The following DDI2 variants were observed in gnomAD, a reference collection of about 807,000 sequenced individuals.
DDI2 encodes the protein DDI proteasomal shuttling factor 2, also known as protein DDI1 homolog 2.
Under a neutral mutation model 48.1 loss-of-function variants are expected in DDI2, and 5 were observed. The ratio of observed to expected loss-of-function variants is 0.10; its 90% CI spans 0.05 to 0.22. The LOEUF (loss-of-function observed/expected upper bound fraction) is 0.22, where lower values mean the gene tolerates loss of function less well. Among genes scored for constraint, DDI2 ranks in the 10% least tolerant of loss-of-function variants. The pLI is 1.00. For missense variants in DDI2, 285 were observed against 506.2 expected (o/e 0.56, Z 4.19); for synonymous variants, 205 against 183.6 (o/e 1.12, Z -0.94).
intron 1 of DDI2, among the ~76,000 whole-genome samples, chr1:15,623,409 T>TTTA (rs1224635891): frequency 1.3e-5 from 2 of 148,384 alleles, no homozygotes; most frequent in African/African-American, 5.0e-5. Flanking sequence ...TTTTTTTTTT[T>TTTA]AAGAGACAAG....
rs1471920020 is a variant in DDI2, at chr1:15,617,709, C to T, written c.39C>T (p.Ser13=). The change falls in exon 1 of 10, where the codon TCC becomes TCT. Residue 13 remains serine (S), a synonymous_variant. Transcript: ENST00000480945. ...TGTACTGTGTGCGGAGGGACCTCTC[C>T]GAGGTGACCTTTTCCCTCCAGGTCG... ...LTVYCVRRDL[S]EVTFSLQVDA... is the part of the protein sequence containing the mutation. 1 of 1,610,108 alleles carries T rather than the reference C, an allele frequency of 6.2e-7. No homozygotes were observed. The highest frequency in any genetic ancestry group is 8.5e-7 in the Non-Finnish European group (1 of 1,178,546).
Position 15,630,664 on chromosome 1 carries a change from T to C in DDI2, c.505+103T>C, listed in dbSNP as rs1206138580. 2.3e-5 allele frequency: 19 copies of C among 817,202 alleles called. No homozygotes were observed. In the South Asian group the frequency reaches 2.9e-4, roughly 13 times the overall value. The allele number at this position is 817,202 out of a possible 1,614,324, so 50.6% of individuals were successfully genotyped here. ...AAGCGACACTGTGTCACATGATTTA[T>C]TGAACATACCAGTTTTTTCTCTGTG... On this transcript the variant is annotated intron_variant, in intron 3 of 9. Transcript: ENST00000480945.
chr1:15,661,729 G>A lies in DDI2; in HGVS notation c.*1939G>A. 1 of 1,600,308 alleles carries A rather than the reference G, an allele frequency of 6.2e-7. No individual in the cohort carries two copies. The highest frequency in any genetic ancestry group is 1.1e-5 in the South Asian group (1 of 88,890). ...CATCGTAGTTCCTACATGACTGTGG[G>A]AAAGTGGGCTAGACCGTTCTCCATT... On this transcript the variant is annotated 3_prime_UTR_variant, in exon 10 of 10. Transcript: ENST00000480945.
In DDI2 at chr1:15,656,787, C is replaced by T. The variant is rs574259282; in HGVS notation, c.*46+108C>T. ...TAGCATTTGTCATTCACCATTTCAC[C>T]TTGTTCAATCTGGTTACAACTAGCC... is the stretch of plus-strand genomic sequence containing the variant. On this transcript the variant is annotated intron_variant, in intron 9 of 9. Transcript: ENST00000480945. 2.0e-6 allele frequency: 3 copies of T among 1,500,872 alleles called. No homozygotes were observed. The African/African-American group carries it at 4.1e-5, about 21-fold the overall frequency. The allele number at this position is 1,500,872 out of a possible 1,614,324, so 93.0% of individuals were successfully genotyped here.
chr1:15,668,027 A>G lies in DDI2; in HGVS notation c.*8237A>G, dbSNP rs1640480792. ...TCGTGGGGGCATGAAATACAAAATT[A>G]TGATAATTTATACAGAACTAGGTTT... On this transcript the variant is annotated 3_prime_UTR_variant, in exon 10 of 10. Coordinates refer to ENST00000480945, the MANE Select transcript of DDI2 (RefSeq NM_032341.5). The G allele has an allele frequency of 6.6e-6, 1 of 152,052 alleles. No homozygotes were observed. The highest frequency in any genetic ancestry group is 2.4e-5 in the African/African-American group (1 of 41,392). The allele number at this position is 152,052 out of a possible 1,614,324, so 9.4% of individuals were successfully genotyped here.
rs1047931226 is a variant in DDI2 at position 15,666,854 on chromosome 1, G to C, written c.*7064G>C. 14 of 152,184 alleles carry C rather than the reference G, an allele frequency of 9.2e-5. No individual in the cohort carries two copies. The highest frequency in any genetic ancestry group is 7.2e-4 in the Admixed American group (11 of 15,274). 9.4% of individuals were successfully genotyped at this position (152,184 alleles called of 1,614,324 possible). A position where few individuals can be genotyped will look rare whatever the true frequency, so the allele number is the denominator to read the frequency against. On this transcript the variant is annotated 3_prime_UTR_variant, in exon 10 of 10. Transcript: ENST00000480945. ...AGTTACCTGGTTCCACTTCAGAGCA[G>C]ACTGGGAAAATCAGGCTTACAATGG...
intron 1 of DDI2, among the ~76,000 whole-genome samples, chr1:15,622,856 T>C (rs1292368336): frequency 6.6e-6 from 1 of 152,206 alleles, no homozygotes; most frequent in Non-Finnish European, 1.5e-5. Flanking sequence ...AAGCTTTAGT[T>C]GATCTCATTT....
At position 15,659,902 on chromosome 1, in the gene DDI2, C is replaced by CA; in HGVS notation, c.*113dup. The CA allele has an allele frequency of 6.2e-7, 1 of 1,601,266 alleles. No homozygotes were observed. The highest frequency in any genetic ancestry group is 8.5e-7 in the Non-Finnish European group (1 of 1,175,906). The stretch of plus-strand genomic sequence containing the variant: ...ATTACCAACTTCAGATGGGTTTAAC[C>CA]ATCCCGCCCGTTCTTCAGGACAGAG... On this transcript the variant is annotated 3_prime_UTR_variant, in exon 10 of 10. Transcript: ENST00000480945.
intron 2 of DDI2, 167 bp downstream of exon 2, chr1:15,626,965 A>C: frequency 1.1e-6 from 1 of 890,864 alleles, no homozygotes; most frequent in Non-Finnish European, 1.7e-6. Flanking sequence ...ATGTCTCTAA[A>C]TTGGTTTCCT....
At position 15,626,620 on chromosome 1, in the gene DDI2, G is replaced by A. The variant is rs567947411; in HGVS notation, c.139-49G>A. 92 of 1,610,674 alleles carry A rather than the reference G, an allele frequency of 5.7e-5. 1 individual carries two copies. In the South Asian group the frequency reaches 8.8e-4, roughly 15 times the overall value. On this transcript the variant is annotated intron_variant, in intron 1 of 9. Transcript: ENST00000480945. ...AAAACTGGTCCTTCTGCCTTGCGCTGTGTTACTTCTCAGTGCTTTATACTG... is the reference window on the plus strand; with the variant it reads ...AAAACTGGTCCTTCTGCCTTGCGCTATGTTACTTCTCAGTGCTTTATACTG...
rs1640333386 is a variant in DDI2, at chr1:15,659,838, G to C, written c.*48G>C. ...TCCTTTCCCCTGTGTTCCATATAGAGAAAAGTGGTAAAGAATCTACCTCAC... is the reference window on the plus strand; with the variant it reads ...TCCTTTCCCCTGTGTTCCATATAGACAAAAGTGGTAAAGAATCTACCTCAC... On this transcript the variant is annotated splice_region_variant and 3_prime_UTR_variant, in exon 10 of 10. Transcript: ENST00000480945. The C allele has an allele frequency of 6.5e-7, 1 of 1,528,174 alleles. No homozygotes were observed. The allele number at this position is 1,528,174 out of a possible 1,614,324, so 94.7% of individuals were successfully genotyped here.
intron 1 of DDI2, 90 bp downstream of exon 1, chr1:15,617,898 T>C (rs1057297778): frequency 1.4e-6 from 2 of 1,384,010 alleles, no homozygotes; most frequent in African/African-American, 3.0e-5. Flanking sequence ...GGTGAAGAAT[T>C]GGGGGCTGGG....
chr1:15,638,669 G>A lies in DDI2; in HGVS notation c.760+235G>A, dbSNP rs143397463. On this transcript the variant is annotated intron_variant, in intron 5 of 9. Transcript: ENST00000480945. ...CCAGCCTCGGCCTCCCACGTAGCTG[G>A]GATTACAGGCGCCAACCACCACGCC... Among the ~76,000 whole-genome samples, 1,019 of 151,744 alleles carry A rather than the reference G, an allele frequency of 6.7e-3. 15 individuals carry two copies. Among genetic ancestry groups the A allele is most frequent in the African/African-American group, 0.024 (980 of 41,370 alleles).
In DDI2 at chr1:15,664,657, T is replaced by C. The variant is rs1640425567; in HGVS notation, c.*4867T>C. Reference sequence around the variant, plus strand: ...GGTTGCCAACAGTAATAACCAGTAATGGGCACCTTTACCGGACAGCTCCTT... The same window carrying C: ...GGTTGCCAACAGTAATAACCAGTAACGGGCACCTTTACCGGACAGCTCCTT... On this transcript the variant is annotated 3_prime_UTR_variant, in exon 10 of 10. Coordinates refer to ENST00000480945, the MANE Select transcript of DDI2 (RefSeq NM_032341.5). 1 of 152,138 alleles carries C rather than the reference T, an allele frequency of 6.6e-6. No individual in the cohort carries two copies. Among genetic ancestry groups the C allele is most frequent in the South Asian group, 2.1e-4 (1 of 4,832 alleles). The allele number at this position is 152,138 out of a possible 1,614,324, so 9.4% of individuals were successfully genotyped here. A position where few individuals can be genotyped will look rare whatever the true frequency, so the allele number is the denominator to read the frequency against.
At chr1:15,657,673 C>G (rs1390746136) in intron 9 of DDI2, among the ~76,000 whole-genome samples, 1 of 152,154 alleles carries the variant, frequency 6.6e-6, no homozygotes, top group Admixed American at 6.5e-5. Flanking sequence ...CTTACCATAC[C>G]TCTTTATGTT....
intron 1 of DDI2, among the ~76,000 whole-genome samples, chr1:15,624,470 GTT>G (rs1033513719): frequency 4.0e-5 from 6 of 151,872 alleles, no homozygotes; most frequent in African/African-American, 1.2e-4. Context: ...TTTTTTGTTT[GTT>G]TTTGTTTTTT....
At chr1:15,624,330 T>A (rs966030659) in intron 1 of DDI2, among the ~76,000 whole-genome samples, 1 of 152,242 alleles carries the variant, frequency 6.6e-6, no homozygotes, top group East Asian at 1.9e-4. Flanking sequence ...AGTTATAATA[T>A]GACTCTCAGT....
In DDI2 at chr1:15,663,251, G is replaced by A. The variant is rs1396462034; in HGVS notation, c.*3461G>A. The A allele has an allele frequency of 6.6e-6, 1 of 152,206 alleles. No individual in the cohort carries two copies. Among genetic ancestry groups the A allele is most frequent in the East Asian group, 1.9e-4 (1 of 5,202 alleles). 9.4% of individuals were successfully genotyped at this position (152,206 alleles called of 1,614,324 possible). ...CTGAAGTCTGACTCTTTGTAAGCTT[G>A]TTTGTTTCATCAAATTTTAAGTCAT... On this transcript the variant is annotated 3_prime_UTR_variant, in exon 10 of 10. Transcript: ENST00000480945.
intron 4 of DDI2, among the ~76,000 whole-genome samples, chr1:15,635,214 G>A (rs1639909159): frequency 6.8e-6 from 1 of 147,650 alleles, no homozygotes; most frequent in Non-Finnish European, 1.5e-5. Context: ...GGGCAAGAGA[G>A]TGAGACCCCC....
Sources: gnomAD v4.1 joint callset for allele counts (sites outside exome capture counted in the v4.1 genomes callset) on GRCh38, gnomAD v4.1.1 for gene constraint, MANE v1.5 for transcripts, NCBI Gene and HGNC (gene_info 2026-07-23, HGNC 2026-07-21) for gene names.